The following VWA3B variants were observed in gnomAD, a reference collection of about 807,000 sequenced individuals.
The protein encoded by VWA3B is von Willebrand factor A domain containing 3B, also known as von Willebrand factor A domain-containing protein 3B.
In VWA3B, 138 loss-of-function variants were observed where a neutral mutation model predicts 158.3. The observed-to-expected ratio is 0.87, with a 90% CI of 0.76 to 1.00. The LOEUF is 1.00. Among genes scored for constraint, VWA3B ranks in the 50% least tolerant of loss-of-function variants. The probability of loss-of-function intolerance (pLI) is 0.00; values close to 1 mark genes in which losing one functional copy is unlikely to be tolerated. For missense variants in VWA3B, 1,555 were observed against 1,565.1 expected, an observed-to-expected ratio of 0.99 and a Z score of 0.11; for synonymous variants, 596 against 587.3, an observed-to-expected ratio of 1.01 and a Z score of -0.21.
At chr2:98,299,852 G>A (rs909835942) in intron 24 of VWA3B, among the ~76,000 whole-genome samples, 1 of 152,144 alleles carries the variant, frequency 6.6e-6, no homozygotes, top group African/African-American at 2.4e-5. Flanking sequence ...TTGTCAGTTG[G>A]TGAAGTCCTA....
At chr2:98,136,665 A>C (rs755747822) in intron 7 of VWA3B, among the ~76,000 whole-genome samples, 2 of 151,526 alleles carry the variant, frequency 1.3e-5, no homozygotes, top group Non-Finnish European at 2.9e-5. Flanking sequence ...CACTAATCTT[A>C]TTCAGGAGGA....
At chr2:98,178,113 G>A (rs767196250) in intron 8 of VWA3B, among the ~76,000 whole-genome samples, 1 of 152,116 alleles carries the variant, frequency 6.6e-6, no homozygotes. Flanking sequence ...CAGAAATGGC[G>A]GCATCCTCTT....
chr2:98,209,332 G>A (rs968766503), intron 12 of VWA3B, among the ~76,000 whole-genome samples: 8 of 151,990 alleles, frequency 5.3e-5, no homozygotes, highest in African/African-American at 1.9e-4. Flanking sequence ...CCAGGCTAGA[G>A]TGTGGTGGCG....
intron 23 of VWA3B, 127 bp from the exon 24 acceptor site, chr2:98,297,780 A>C (rs1689902012): frequency 1.6e-6 from 2 of 1,217,118 alleles, no homozygotes; most frequent in African/African-American, 3.1e-5. Context: ...TGCTGGAGAA[A>C]TCAAAGGGGC....
chr2:98,135,342 T>C (rs1192533970), intron 7 of VWA3B, among the ~76,000 whole-genome samples: 1 of 132,834 alleles, frequency 7.5e-6, no homozygotes, highest in African/African-American at 2.9e-5. Flanking sequence ...TTTTTTTTTT[T>C]TTTTTTTTTT....
intron 2 of VWA3B, among the ~76,000 whole-genome samples, chr2:98,095,503 A>G (rs1406404719): frequency 6.6e-6 from 1 of 152,158 alleles, no homozygotes; most frequent in Non-Finnish European, 1.5e-5. Context: ...TTGTTAATTA[A>G]TTCTAACAGG....
intron 8 of VWA3B, among the ~76,000 whole-genome samples, chr2:98,170,681 ACTGCAACCTCTGCC>A (rs1679509770): frequency 6.6e-6 from 1 of 151,220 alleles, no homozygotes; most frequent in African/African-American, 2.4e-5. Context: ...ACCTCGGCTC[ACTGCAACCTCTGCC>A]TCATGGGTTC....
intron 19 of VWA3B, among the ~76,000 whole-genome samples, chr2:98,248,885 C>CTTTCTTTCTTTCTCTT (rs75531074): frequency 6.9e-5 from 4 of 57,956 alleles, no homozygotes; most frequent in East Asian, 6.4e-4. Flanking sequence ...CTTTCTTTCT[C>CTTTCTTTCTTTCTCTT]TCTTTCCTTT....
intron 9 of VWA3B, among the ~76,000 whole-genome samples, chr2:98,184,643 G>A (rs756779856): frequency 2.6e-5 from 4 of 152,184 alleles, no homozygotes; most frequent in Non-Finnish European, 5.9e-5. Context: ...CCCTCTGGGC[G>A]CATCATCAGC....
At position 98,216,969 on chromosome 2, in the gene VWA3B, T is replaced by G. The variant is rs937729065; in HGVS notation, c.1837-877T>G. 4 of 1,262,498 alleles carry G rather than the reference T, an allele frequency of 3.2e-6. No individual in the cohort carries two copies. The African/African-American group carries it at 7.1e-5, about 23-fold the overall frequency. The allele number at this position is 1,262,498 out of a possible 1,614,324, so 78.2% of individuals were successfully genotyped here. A position where few individuals can be genotyped will look rare whatever the true frequency, so the allele number is the denominator to read the frequency against. The stretch of plus-strand genomic sequence containing the variant: ...CATGAGTGGGAGAGACTGTCATGTG[T>G]ATCATTGTAAGCACCCGCCCCGCAC... On this transcript the variant is annotated intron_variant, in intron 13 of 27. Transcript: ENST00000477737.
In VWA3B at chr2:98,125,879, T is replaced by C. The variant is rs2104996168; in HGVS notation, c.703-2360T>C. Among the ~76,000 whole-genome samples the C allele has an allele frequency of 6.6e-6, 1 of 152,254 alleles. No individual in the cohort carries two copies. The highest frequency in any genetic ancestry group is 1.9e-4 in the East Asian group (1 of 5,158). ...CGGGGTTTCACTGTGTTAGCCAGGA[T>C]GGTCTCGATCTCCCGACCTCGTGAT... is the stretch of plus-strand genomic sequence containing the variant. On this transcript the variant is annotated intron_variant, in intron 5 of 27. Transcript: ENST00000477737. The surrounding 1 kb of genome is among the most constrained non-coding windows in gnomAD (Gnocchi z 4.1).
intron 9 of VWA3B, 83 bp from the exon 10 acceptor site, chr2:98,187,892 T>A: frequency 2.8e-6 from 4 of 1,418,090 alleles, no homozygotes; most frequent in Non-Finnish European, 3.7e-6. Flanking sequence ...GCCACTTGAA[T>A]ACGACAGAGC....
At chr2:98,296,980 A>AT (rs1009083377) in intron 23 of VWA3B, among the ~76,000 whole-genome samples, 5 of 151,162 alleles carry the variant, frequency 3.3e-5, no homozygotes, top group African/African-American at 4.9e-5. Context: ...GGTTTTGGTC[A>AT]TTTTTTTAAT....
intron 22 of VWA3B, among the ~76,000 whole-genome samples, chr2:98,275,193 A>G (rs1367767523): frequency 6.6e-6 from 1 of 152,228 alleles, no homozygotes; most frequent in Non-Finnish European, 1.5e-5. Flanking sequence ...CCTTGTAGGC[A>G]TGCATACATA....
At chr2:98,260,734 T>C (rs1190985921) in intron 21 of VWA3B, among the ~76,000 whole-genome samples, 1 of 151,788 alleles carries the variant, frequency 6.6e-6, no homozygotes, top group Non-Finnish European at 1.5e-5. Flanking sequence ...CATGTATGTT[T>C]CTAATTTTTA....
At chr2:98,308,090 A>G (rs1049810308) in intron 26 of VWA3B, among the ~76,000 whole-genome samples, 3 of 152,178 alleles carry the variant, frequency 2.0e-5, no homozygotes, top group African/African-American at 4.8e-5. Flanking sequence ...TGACACCTAA[A>G]TGATTCTTAA....
chr2:98,171,009 T>G (rs1679538851), intron 8 of VWA3B, among the ~76,000 whole-genome samples: 1 of 152,232 alleles, frequency 6.6e-6, no homozygotes, highest in Non-Finnish European at 1.5e-5. Flanking sequence ...TGAATGATAA[T>G]GATAATACCT....
intron 1 of VWA3B, among the ~76,000 whole-genome samples, chr2:98,092,435 C>G (rs560475727): frequency 1.3e-5 from 2 of 152,150 alleles, no homozygotes; most frequent in Admixed American, 6.5e-5. Flanking sequence ...ACGAGGTCAG[C>G]AGTTCGAGAC....
chr2:98,143,787 G>A (rs1323137726), intron 7 of VWA3B, among the ~76,000 whole-genome samples: 1 of 132,966 alleles, frequency 7.5e-6, no homozygotes, highest in African/African-American at 2.8e-5. Flanking sequence ...GGTTTGCTGT[G>A]TCACCCAGAC....
Sources: gnomAD v4.1 joint callset for allele counts (sites outside exome capture counted in the v4.1 genomes callset) on GRCh38, gnomAD v4.1.1 for gene constraint, Gnocchi (gnomAD v3.1) non-coding constraint, MANE v1.5 for transcripts, NCBI Gene and HGNC (gene_info 2026-07-23, HGNC 2026-07-21) for gene names.